Variants in FOXN1 observed in about 807,000 individuals in gnomAD.
The protein encoded by FOXN1 is forkhead box protein N1.
In FOXN1, 15 loss-of-function variants were observed where a neutral mutation model predicts 49.0. That is an observed-to-expected ratio of 0.31 (90% CI 0.20 to 0.47). The LOEUF (loss-of-function observed/expected upper bound fraction) is 0.47, where lower values mean the gene tolerates loss of function less well. Among genes scored for constraint, FOXN1 ranks in the 20% least tolerant of loss-of-function variants. The pLI is 1.00. For missense variants in FOXN1, 800 were observed against 842.8 expected (o/e 0.95, Z 0.63); for synonymous variants, 356 against 369.0 (o/e 0.96, Z 0.40).
rs77913287 is a variant in FOXN1 at position 28,538,293 on chromosome 17, C to T, written c.*857C>T. 6.6e-6 allele frequency: 1 copy of T among 152,238 alleles called. No homozygotes were observed. Among genetic ancestry groups the T allele is most frequent in the African/African-American group, 2.4e-5 (1 of 41,446 alleles). 9.4% of individuals were successfully genotyped at this position (152,238 alleles called of 1,614,324 possible). Reference sequence around the variant, plus strand: ...CCCCCTCCAGGTCACCACAATCTCACTCCTCCTCCAGAAAGAAAAGTTCAC... The same window carrying T: ...CCCCCTCCAGGTCACCACAATCTCATTCCTCCTCCAGAAAGAAAAGTTCAC... On this transcript the variant is annotated 3_prime_UTR_variant, in exon 9 of 9. Coordinates refer to ENST00000579795, the MANE Select transcript of FOXN1 (RefSeq NM_001369369.1).
intron 8 of FOXN1, 29 bp from the exon 9 acceptor site, chr17:28,537,088 T>C (rs765804076): frequency 6.3e-7 from 1 of 1,578,478 alleles, no homozygotes; most frequent in Non-Finnish European, 8.7e-7. Context: ...TGCCTCCCAG[T>C]GACACCTGTT....
At chr17:28,515,016 G>A (rs2151477608) in intron 1 of FOXN1, among the ~76,000 whole-genome samples, 1 of 152,240 alleles carries the variant, frequency 6.6e-6, no homozygotes, top group South Asian at 2.1e-4. Context: ...TACTAGCTGA[G>A]TGAACTTGGG....
intron 1 of FOXN1, among the ~76,000 whole-genome samples, chr17:28,517,902 T>TACCTCCACAGGGTACAC (rs2069558138): frequency 1.9e-5 from 2 of 102,938 alleles, no homozygotes; most frequent in Non-Finnish European, 4.0e-5. Flanking sequence ...ACAGGATCCA[T>TACCTCCACAGGGTACAC]ACCTCCACAG....
intron 8 of FOXN1, among the ~76,000 whole-genome samples, chr17:28,536,621 C>A (rs938965974): frequency 1.3e-5 from 2 of 152,194 alleles, no homozygotes; most frequent in Non-Finnish European, 2.9e-5. Context: ...GCACTGTTTG[C>A]TCCTCGGACT....
At chr17:28,509,031 T>A (rs1319008618) in intron 1 of FOXN1, among the ~76,000 whole-genome samples, 1 of 34,092 alleles carries the variant, frequency 2.9e-5, no homozygotes, top group Non-Finnish European at 5.7e-5. Flanking sequence ...CTGGGGTGGG[T>A]GGGGTTGGGC....
In FOXN1 at chr17:28,537,881, T is replaced by A; in HGVS notation, c.*445T>A. On this transcript the variant is annotated 3_prime_UTR_variant, in exon 9 of 9. Transcript: ENST00000579795. ...TGCTTACCAAAAGCTCAGGGCCCTGTGCCAGGCCAAAGATCCCCCCAGACC... is the reference window on the plus strand; with the variant it reads ...TGCTTACCAAAAGCTCAGGGCCCTGAGCCAGGCCAAAGATCCCCCCAGACC... 1 of 253,346 alleles carries A rather than the reference T, an allele frequency of 3.9e-6. No homozygotes were observed. The highest frequency in any genetic ancestry group is 7.8e-6 in the Non-Finnish European group (1 of 127,434). The allele number at this position is 253,346 out of a possible 1,614,324, so 15.7% of individuals were successfully genotyped here.
chr17:28,534,886 C>T lies in FOXN1; in HGVS notation c.1315C>T (p.Leu439=). 6.2e-7 allele frequency: 1 copy of T among 1,614,108 alleles called. No individual in the cohort carries two copies. ...AGGCCCCATTCCTGGCAAGAACCCC[C>T]TGCAGGACCTACTTATGGGGCACAC... ...APGPIPGKNP[L]QDLLMGHTPS... Residue 439 remains leucine, a synonymous_variant, in exon 8 of 9, where the codon CTG becomes TTG. Transcript: ENST00000579795. The surrounding 1 kb of genome is among the most constrained non-coding windows in gnomAD (Gnocchi z 4.1).
intron 2 of FOXN1, 130 bp downstream of exon 2, chr17:28,524,222 G>A (rs1245673761): frequency 3.1e-6 from 3 of 957,218 alleles, no homozygotes; most frequent in East Asian, 2.6e-5. Flanking sequence ...CAGCAAACAA[G>A]TCCTCAGGGA....
intron 1 of FOXN1, among the ~76,000 whole-genome samples, chr17:28,507,468 G>C (rs940258023): frequency 1.3e-5 from 2 of 152,174 alleles, no homozygotes; most frequent in African/African-American, 4.8e-5. Flanking sequence ...CGGGCGGAGG[G>C]GCTCATCTTG....
chr17:28,517,788 C>T (rs2069553794), intron 1 of FOXN1, among the ~76,000 whole-genome samples: 2 of 141,488 alleles, frequency 1.4e-5, no homozygotes, highest in African/African-American at 5.5e-5. Context: ...ATCCATACCT[C>T]CACAGGGTAC....
chr17:28,535,749 A>G (rs937966071), intron 8 of FOXN1, among the ~76,000 whole-genome samples: 23 of 152,148 alleles, frequency 1.5e-4, no homozygotes, highest in African/African-American at 5.3e-4. Flanking sequence ...CCTCAAAAAC[A>G]AACAAACAAA....
Position 28,529,086 on chromosome 17 carries a change from C to T in FOXN1, c.700-8C>T. On this transcript the variant is annotated splice_polypyrimidine_tract_variant and splice_region_variant and intron_variant, in intron 4 of 8. Coordinates refer to ENST00000579795, the MANE Select transcript of FOXN1 (RefSeq NM_001369369.1). ...ATGCAATCACTCTGCCCCTTTTGAC[C>T]TCCTCAGTACTCGCCAGGTGGTGGC... 6.2e-7 allele frequency: 1 copy of T among 1,614,092 alleles called. No individual in the cohort carries two copies. The highest frequency in any genetic ancestry group is 8.5e-7 in the Non-Finnish European group (1 of 1,179,980).
intron 1 of FOXN1, among the ~76,000 whole-genome samples, chr17:28,516,184 C>A (rs1186091379): frequency 6.6e-6 from 1 of 151,196 alleles, no homozygotes; most frequent in East Asian, 2.0e-4. Flanking sequence ...GGGTACACAC[C>A]TCCACAGGGT....
intron 1 of FOXN1, among the ~76,000 whole-genome samples, chr17:28,519,583 C>G (rs971337030): frequency 1.3e-5 from 2 of 152,130 alleles, no homozygotes; most frequent in African/African-American, 2.4e-5. Flanking sequence ...ACACACATCC[C>G]ATCCAGTTCC....
At chr17:28,520,618 C>T (rs2069622428) in intron 1 of FOXN1, among the ~76,000 whole-genome samples, 1 of 152,198 alleles carries the variant, frequency 6.6e-6, no homozygotes, top group Admixed American at 6.5e-5. Context: ...TTTGGCCAAG[C>T]AAGGCTATGA....
chr17:28,508,102 C>A (rs1195000052), intron 1 of FOXN1, among the ~76,000 whole-genome samples: 2 of 152,224 alleles, frequency 1.3e-5, no homozygotes, highest in African/African-American at 2.4e-5. Flanking sequence ...AGGCCCGGCG[C>A]CTCACTCACT....
At chr17:28,518,024 C>T in intron 1 of FOXN1, among the ~76,000 whole-genome samples, 1 of 150,974 alleles carries the variant, frequency 6.6e-6, no homozygotes, top group African/African-American at 2.4e-5. Flanking sequence ...GGGTACACAC[C>T]TCCACAGGAT....
At chr17:28,524,333 G>T (rs1490159454) in intron 2 of FOXN1, among the ~76,000 whole-genome samples, 170 bp from the exon 3 acceptor site, 1 of 99,244 alleles carries the variant, frequency 1.0e-5, no homozygotes, top group East Asian at 2.9e-4. Context: ...TCATGGCAGG[G>T]TGCCCTCATG....
chr17:28,535,401 T>C (rs559274393), intron 8 of FOXN1, among the ~76,000 whole-genome samples: 1 of 152,274 alleles, frequency 6.6e-6, no homozygotes, highest in African/African-American at 2.4e-5. Context: ...GGGATGTCCT[T>C]GCCCCTGTCT....
Sources: allele counts gnomAD v4.1 joint callset (sites outside exome capture counted in the v4.1 genomes callset), GRCh38; gene constraint gnomAD v4.1.1; non-coding constraint Gnocchi (gnomAD v3.1); transcripts MANE v1.5; gene names NCBI Gene and HGNC (gene_info 2026-07-23, HGNC 2026-07-21).